The following FLNC variants were observed in gnomAD, a reference collection of about 807,000 sequenced individuals.
The protein encoded by FLNC is filamin-C.
Under a neutral mutation model 254.3 loss-of-function variants are expected in FLNC, and 91 were observed. That is an observed-to-expected ratio of 0.36 (90% CI 0.30 to 0.43). FLNC has a LOEUF of 0.43. FLNC is among the 20% of genes least tolerant of loss of function. FLNC has a pLI of 1.00. For missense variants in FLNC, 2,853 were observed against 3,802.6 expected, an observed-to-expected ratio of 0.75 and a Z score of 6.57; for synonymous variants, 1,430 against 1,577.2, an observed-to-expected ratio of 0.91 and a Z score of 2.21.
chr7:128,856,820 TC>T lies in FLNC; in HGVS notation c.7463del (p.Pro2488LeufsTer41). ...SIDVKFNGAH[I>X]PGSPFKIRVG... The stretch of plus-strand genomic sequence containing the variant: ...GATGTCAAGTTCAACGGTGCCCACA[TC>T]CCTGGAAGTCCCTTCAAGATCCGCG... On this transcript the variant is annotated frameshift_variant, in exon 45 of 48. Transcript: ENST00000325888. LOFTEE classifies it high-confidence loss of function. This position sits in a 1 kb window ranked among gnomAD's most constrained non-coding sequence, Gnocchi z 5.9. The T allele has an allele frequency of 6.2e-7, 1 of 1,614,060 alleles. No homozygotes were observed. The highest frequency in any genetic ancestry group is 8.5e-7 in the Non-Finnish European group (1 of 1,180,008).
intron 16 of FLNC, 104 bp from the exon 17 acceptor site, chr7:128,843,125 C>T (rs903881719): frequency 6.0e-5 from 82 of 1,376,612 alleles, no homozygotes; most frequent in Non-Finnish European, 7.4e-5. Context: ...TGGAGGCTGC[C>T]CCTGTCCATG....
rs1457672866 is a variant in FLNC, at chr7:128,856,803, G to A, written c.7443G>A (p.Lys2481=). ...ATGGCGTCCACTCCATCGATGTCAA[G>A]TTCAACGGTGCCCACATCCCTGGAA... ...HENGVHSIDV[K]FNGAHIPGSP... The change falls in exon 45 of 48, where the codon AAG becomes AAA. Residue 2481 remains lysine, a synonymous_variant. Transcript: ENST00000325888. This position sits in a 1 kb window ranked among gnomAD's most constrained non-coding sequence, Gnocchi z 5.9. 1.2e-6 allele frequency: 2 copies of A among 1,614,214 alleles called. No homozygotes were observed. Among genetic ancestry groups the A allele is most frequent in the Non-Finnish European group, 8.5e-7 (1 of 1,180,042 alleles).
chr7:128,851,304 A>G lies in FLNC; in HGVS notation c.5612A>G (p.His1871Arg). 3.1e-6 allele frequency: 5 copies of G among 1,614,102 alleles called. No homozygotes were observed. The highest frequency in any genetic ancestry group is 1.1e-5 in the South Asian group (1 of 91,090). ...HVSAYGPGLS[H>R]GMVNKPATFT... is the part of the protein sequence containing the mutation. ...AGTGCCTATGGGCCAGGCCTGAGCC[A>G]TGGCATGGTCAACAAGCCAGCCACC... Residue 1871 changes from histidine to arginine, a missense_variant, in exon 34 of 48, where the codon CAT (histidine) becomes CGT (arginine). His to Arg is a conservative substitution (Grantham distance 29, BLOSUM62 0). Around this residue, in one of 10 missense-constraint regions of FLNC, gnomAD observed 551 missense variants for 835.0 expected, o/e 0.66. Transcript: ENST00000325888.
chr7:128,854,040 C>T lies in FLNC; in HGVS notation c.6551C>T (p.Thr2184Ile), dbSNP rs772588219. Residue 2184 changes from threonine to isoleucine, a missense_variant, in exon 40 of 48, where the codon ACC becomes ATC. Physicochemically the swap from Thr to Ile is moderately conservative, Grantham distance 89 (BLOSUM62 -1). This residue lies in a region of FLNC where 551 missense variants were observed against 835.0 expected (regional missense o/e 0.66). Coordinates refer to ENST00000325888, the MANE Select transcript of FLNC (RefSeq NM_001458.5). Reference sequence around the variant, plus strand: ...CGCACCTTCACACGCAGCAGCCACACCTACACCCGCACGGAGCGCACGGAG... The same window carrying T: ...CGCACCTTCACACGCAGCAGCCACATCTACACCCGCACGGAGCGCACGGAG... The part of the protein sequence containing the change: ...LTRTFTRSSH[T>I]YTRTERTEIS... The T allele has an allele frequency of 6.2e-7, 1 of 1,613,298 alleles. No individual in the cohort carries two copies. The highest frequency in any genetic ancestry group is 1.1e-5 in the South Asian group (1 of 91,088).
In FLNC at chr7:128,849,349, G is replaced by C. The variant is rs374294752; in HGVS notation, c.4970G>C (p.Arg1657Pro). The C allele has an allele frequency of 6.2e-7, 1 of 1,614,088 alleles. No individual in the cohort carries two copies. Among genetic ancestry groups the C allele is most frequent in the South Asian group, 1.1e-5 (1 of 91,080 alleles). Reference sequence around the variant, plus strand: ...ATGGCAGGTGCCTGCCTGGGCCCTCGAATCCAGATTGGGCAGGAGACGGTG... The same window carrying C: ...ATGGCAGGTGCCTGCCTGGGCCCTCCAATCCAGATTGGGCAGGAGACGGTG... ...GHGLGACLGPRIQIGQETVIT... is the reference protein window; with the variant it reads ...GHGLGACLGPPIQIGQETVIT... Residue 1657 changes from arginine (R) to proline (P), a missense_variant, in exon 30 of 48, where the codon CGA becomes CCA. Physicochemically the swap from Arg to Pro is moderately radical, Grantham distance 103. Coordinates refer to ENST00000325888, the MANE Select transcript of FLNC (RefSeq NM_001458.5).
rs769599454 is a variant in FLNC, at chr7:128,838,598, G to A, written c.1211-5G>A. 30 of 1,612,844 alleles carry A rather than the reference G, an allele frequency of 1.9e-5. No individual in the cohort carries two copies. The highest frequency in any genetic ancestry group is 6.7e-5 in the Admixed American group (4 of 60,024). ...AGTGGTGCTGACAGCCTCTGTTTTC[G>A]GCAGGGGCCGGCACTGGCGATGTTG... On this transcript the variant is annotated splice_region_variant and splice_polypyrimidine_tract_variant and intron_variant, in intron 7 of 47. Transcript: ENST00000325888.
Position 128,835,108 on chromosome 7 carries a change from A to G in FLNC, c.353-218A>G, listed in dbSNP as rs1269411680. ...AGCTGAGGTGAGGGTACCTTCCAGA[A>G]CCACAGGAACACAGAGAAGCAGCCT... On this transcript the variant is annotated intron_variant, in intron 1 of 47. Transcript: ENST00000325888. The surrounding 1 kb of genome is among the most constrained non-coding windows in gnomAD (Gnocchi z 5.3). Among the ~76,000 whole-genome samples the G allele has an allele frequency of 6.6e-6, 1 of 152,176 alleles. No homozygotes were observed. The highest frequency in any genetic ancestry group is 1.5e-5 in the Non-Finnish European group (1 of 68,032).
intron 29 of FLNC, 24 bp downstream of exon 29, chr7:128,849,228 C>G: frequency 6.2e-7 from 1 of 1,614,168 alleles, no homozygotes; most frequent in Non-Finnish European, 8.5e-7. Flanking sequence ...CTCTCCTCTT[C>G]TTGGTGTGGG....
intron 20 of FLNC, 41 bp downstream of exon 20, chr7:128,844,307 T>C (rs1467583468): frequency 6.4e-7 from 1 of 1,571,970 alleles, no homozygotes; most frequent in Non-Finnish European, 8.6e-7. Context: ...AGTTGGGGAC[T>C]TGTTGGGAAG....
rs769791248 is a variant in FLNC at position 128,837,236 on chromosome 7, C to T, written c.678C>T (p.Asp226=). The T allele has an allele frequency of 7.2e-5, 115 of 1,587,788 alleles. No individual in the cohort carries two copies. Among genetic ancestry groups the T allele is most frequent in the Admixed American group, 1.2e-4 (7 of 57,068 alleles). The part of the protein sequence containing the change: ...ENAREAMQQA[D]DWLGVPQVIA... ...CCCGGGAGGCCATGCAGCAGGCCGA[C>T]GACTGGCTTGGGGTGCCCCAGGTAC... Residue 226 remains aspartate (D), a synonymous_variant, in exon 3 of 48, where the codon GAC becomes GAT. Transcript: ENST00000325888.
At chr7:128,831,697 A>C (rs1807899146) in intron 1 of FLNC, among the ~76,000 whole-genome samples, 1 of 150,696 alleles carries the variant, frequency 6.6e-6, no homozygotes, top group East Asian at 2.0e-4. Context: ...CCCACCCCCT[A>C]CCGCGGGATT....
rs746275035 is a variant in FLNC at position 128,848,064 on chromosome 7, C to T, written c.4576C>T (p.Arg1526Cys). Residue 1526 changes from arginine to cysteine, a missense_variant, in exon 26 of 48, where the codon CGC (arginine) becomes TGC (cysteine). Coordinates refer to ENST00000325888, the MANE Select transcript of FLNC (RefSeq NM_001458.5). ...AVKYADQEVP[R>C]SPFKIKVLPA... ...CAAGTATGCTGACCAGGAGGTGCCA[C>T]GCAGGTGAGGACCAGCCCTGGGCTC... The T allele has an allele frequency of 2.5e-5, 40 of 1,603,110 alleles. No homozygotes were observed. The highest frequency in any genetic ancestry group is 1.7e-4 in the Middle Eastern group (1 of 5,938).
intron 35 of FLNC, among the ~76,000 whole-genome samples, chr7:128,852,100 G>A (rs1179589300): frequency 6.6e-6 from 1 of 152,174 alleles, no homozygotes; most frequent in Non-Finnish European, 1.5e-5. Context: ...TCCTGACCTT[G>A]TGATCCACCT....
rs556477946 is a variant in FLNC at position 128,846,336 on chromosome 7, G to A, written c.4000G>A (p.Ala1334Thr). Residue 1334 changes from alanine to threonine, a missense_variant, in exon 23 of 48, where the codon GCT becomes ACT. This residue lies in a region of FLNC where 1,573 missense variants were observed against 1,883.5 expected (regional missense o/e 0.84). Coordinates refer to ENST00000325888, the MANE Select transcript of FLNC (RefSeq NM_001458.5). ...HLVEVLYDEV[A>T]VPKSPFRVGV... ...GGTGGAGGTCCTGTATGATGAGGTCGCTGTGCCCAAGAGCCCCTTCCGAGT... is the reference window on the plus strand; with the variant it reads ...GGTGGAGGTCCTGTATGATGAGGTCACTGTGCCCAAGAGCCCCTTCCGAGT... 3.0e-5 allele frequency: 49 copies of A among 1,613,706 alleles called. No homozygotes were observed. The highest frequency in any genetic ancestry group is 3.8e-5 in the Non-Finnish European group (45 of 1,179,984).
chr7:128,854,597 C>T lies in FLNC; in HGVS notation c.6912C>T (p.Phe2304=). The T allele has an allele frequency of 6.2e-7, 1 of 1,610,924 alleles. No individual in the cohort carries two copies. Among genetic ancestry groups the T allele is most frequent in the Non-Finnish European group, 8.5e-7 (1 of 1,178,952 alleles). The change falls in exon 41 of 48, where the codon TTC becomes TTT. Residue 2304 remains phenylalanine (F), a synonymous_variant. Coordinates refer to ENST00000325888, the MANE Select transcript of FLNC (RefSeq NM_001458.5). ...GQHVPGSPFQ[F]TVGPLGEGGA... is the part of the protein sequence containing the mutation. ...ACGTGCCCGGCAGCCCCTTTCAGTT[C>T]ACTGTGGGGCCGCTGGGTGAAGGTG... is the stretch of plus-strand genomic sequence containing the variant.
At chr7:128,832,788 G>T (rs959939609) in intron 1 of FLNC, among the ~76,000 whole-genome samples, 9 of 152,230 alleles carry the variant, frequency 5.9e-5, no homozygotes, top group Non-Finnish European at 1.2e-4. Context: ...TTCAGCTGCC[G>T]GCCCCAGGCT....
In FLNC at chr7:128,844,078, C is replaced by A; in HGVS notation, c.3004C>A (p.Arg1002=). ...TGGCGGTCAGGGCCAACTGGATGTGCGGATGACTTCGCCCTCTCGCCGGCC... is the reference window on the plus strand; with the variant it reads ...TGGCGGTCAGGGCCAACTGGATGTGAGGATGACTTCGCCCTCTCGCCGGCC... ...GAGGQGQLDV[R]MTSPSRRPIP... The change falls in exon 20 of 48, where the codon CGG becomes AGG. Residue 1002 remains arginine, a synonymous_variant. Coordinates refer to ENST00000325888, the MANE Select transcript of FLNC (RefSeq NM_001458.5). 6.2e-7 allele frequency: 1 copy of A among 1,614,026 alleles called. No homozygotes were observed. Among genetic ancestry groups the A allele is most frequent in the African/African-American group, 1.3e-5 (1 of 75,054 alleles).
At chr7:128,849,227 T>G in intron 29 of FLNC, 23 bp downstream of exon 29, 1 of 1,614,098 alleles carries the variant, frequency 6.2e-7, no homozygotes, top group Non-Finnish European at 8.5e-7. Flanking sequence ...TCTCTCCTCT[T>G]CTTGGTGTGG....
intron 20 of FLNC, 90 bp from the exon 21 acceptor site, chr7:128,844,568 A>G: frequency 8.2e-7 from 1 of 1,217,846 alleles, no homozygotes. Flanking sequence ...AGTAGCAGCC[A>G]CAGTTGGAGG....
Sources: gnomAD v4.1 joint callset for allele counts (sites outside exome capture counted in the v4.1 genomes callset) on GRCh38, gnomAD v4.1.1 for gene constraint, gnomAD v4.1.1 regional missense constraint, Gnocchi (gnomAD v3.1) non-coding constraint, MANE v1.5 for transcripts, NCBI Gene and HGNC (gene_info 2026-07-23, HGNC 2026-07-21) for gene names.